EXOC4: variants seen among roughly 807,000 people sequenced by gnomAD.
EXOC4 encodes SEC8-like 1.
In EXOC4, 71 loss-of-function variants were observed where a neutral mutation model predicts 107.2. The ratio of observed to expected loss-of-function variants is 0.66; its 90% CI spans 0.55 to 0.81. EXOC4 has a LOEUF of 0.81. Among genes scored for constraint, EXOC4 ranks in the 30% least tolerant of loss-of-function variants. EXOC4 has a pLI of 0.00. For synonymous variants in EXOC4, 456 were observed against 441.2 expected (o/e 1.03, Z -0.42); for missense variants, 1,108 against 1,189.6 (o/e 0.93, Z 1.01).
intron 3 of EXOC4, among the ~76,000 whole-genome samples, chr7:133,294,058 A>G (rs1343749875): frequency 6.6e-6 from 1 of 152,186 alleles, no homozygotes; most frequent in African/African-American, 2.4e-5. Context: ...CTGCATTTAA[A>G]TTGAAATTTT....
intron 17 of EXOC4, among the ~76,000 whole-genome samples, chr7:134,051,981 A>G (rs1795803431): frequency 7.8e-6 from 1 of 127,434 alleles, no homozygotes; most frequent in Admixed American, 8.7e-5. Flanking sequence ...GCACGACTCC[A>G]TCTCAATAAA....
chr7:133,390,245 C>T (rs762974877), intron 7 of EXOC4, among the ~76,000 whole-genome samples: 6 of 152,186 alleles, frequency 3.9e-5, no homozygotes, highest in Admixed American at 6.5e-5. Flanking sequence ...TTAAGTAGTT[C>T]GTCAGCTTAA....
chr7:133,705,550 G>A (rs933591097), intron 10 of EXOC4, among the ~76,000 whole-genome samples: 10 of 151,992 alleles, frequency 6.6e-5, no homozygotes, highest in South Asian at 4.1e-4. Flanking sequence ...GTCAATTGTG[G>A]TCCAAAAATA....
Position 133,717,464 on chromosome 7 carries a change from C to G in EXOC4, c.1514+87323C>G, listed in dbSNP as rs147013286. ...GCCGCCCCCCAACCCGTGAGGTCCT[C>G]CATGATGTGCTCTCCACACTACCCC... is the stretch of plus-strand genomic sequence containing the variant. On this transcript the variant is annotated intron_variant, in intron 10 of 17. Coordinates refer to ENST00000253861, the MANE Select transcript of EXOC4 (RefSeq NM_021807.4). Among the ~76,000 whole-genome samples, 13 of 152,238 alleles carry G rather than the reference C, an allele frequency of 8.5e-5. No homozygotes were observed. In the East Asian group the frequency reaches 2.5e-3, roughly 29 times the overall value.
chr7:133,483,945 G>A (rs1799214352), intron 9 of EXOC4: 6 of 1,282,840 alleles, frequency 4.7e-6, no homozygotes, highest in African/African-American at 1.5e-5. Flanking sequence ...AAGAGACTAA[G>A]GGAAGATTTT....
intron 1 of EXOC4, among the ~76,000 whole-genome samples, chr7:133,262,253 C>T (rs1051334418): frequency 6.6e-6 from 1 of 152,112 alleles, no homozygotes; most frequent in African/African-American, 2.4e-5. Flanking sequence ...TGCCTGTAGT[C>T]CCAACTACAG....
At chr7:133,608,188 T>C (rs913027397) in intron 9 of EXOC4, among the ~76,000 whole-genome samples, 2 of 152,158 alleles carry the variant, frequency 1.3e-5, no homozygotes, top group Non-Finnish European at 2.9e-5. Flanking sequence ...TATTTTTTGT[T>C]AGGTAAATCG....
At chr7:133,517,581 A>G (rs1163759068) in intron 9 of EXOC4, among the ~76,000 whole-genome samples, 1 of 152,150 alleles carries the variant, frequency 6.6e-6, no homozygotes, top group Non-Finnish European at 1.5e-5. Context: ...TCACATGGCC[A>G]CAGATGAGAG....
At chr7:133,612,258 A>G (rs1452919129) in intron 9 of EXOC4, among the ~76,000 whole-genome samples, 1 of 152,184 alleles carries the variant, frequency 6.6e-6, no homozygotes, top group African/African-American at 2.4e-5. Context: ...CTCTCTCACA[A>G]TCATATCTTC....
At chr7:133,478,582 A>C (rs1584948452) in intron 8 of EXOC4, among the ~76,000 whole-genome samples, 1 of 152,194 alleles carries the variant, frequency 6.6e-6, no homozygotes, top group Non-Finnish European at 1.5e-5. Flanking sequence ...TGTTGCAGAC[A>C]TAAAAAGAAT....
chr7:133,547,643 G>A (rs768173989), intron 9 of EXOC4, among the ~76,000 whole-genome samples: 1 of 152,190 alleles, frequency 6.6e-6, no homozygotes, highest in African/African-American at 2.4e-5. Flanking sequence ...CATTTCAACA[G>A]TGTCCACAGC....
chr7:133,376,390 G>A (rs368953065), intron 7 of EXOC4, among the ~76,000 whole-genome samples: 11 of 152,174 alleles, frequency 7.2e-5, no homozygotes, highest in African/African-American at 2.2e-4. Flanking sequence ...TGTGCCTTTC[G>A]TATCCATGTT....
intron 14 of EXOC4, among the ~76,000 whole-genome samples, chr7:133,970,195 C>G (rs533842085): frequency 2.0e-5 from 3 of 152,262 alleles, no homozygotes; most frequent in South Asian, 4.1e-4. Flanking sequence ...ACCCCTCCCC[C>G]CACCAAGCTC....
At chr7:133,605,246 C>T (rs1563124119) in intron 9 of EXOC4, among the ~76,000 whole-genome samples, 1 of 152,228 alleles carries the variant, frequency 6.6e-6, no homozygotes. Context: ...CAAGAGCAAA[C>T]AAAACAAAGT....
intron 11 of EXOC4, among the ~76,000 whole-genome samples, chr7:133,823,868 TATATTATA>T (rs1240315655): frequency 0.046 from 1,010 of 21,750 alleles, 50 homozygotes; most frequent in Non-Finnish European, 0.053. Flanking sequence ...TATATATATA[TATATTATA>T]TATATATATA....
intron 10 of EXOC4, among the ~76,000 whole-genome samples, chr7:133,655,596 A>T (rs1199202035): frequency 6.6e-6 from 1 of 152,186 alleles, no homozygotes; most frequent in Non-Finnish European, 1.5e-5. Context: ...AAAAACTAAG[A>T]TACAAACCCA....
chr7:133,611,262 T>C (rs773389563), intron 9 of EXOC4, among the ~76,000 whole-genome samples: 5 of 152,164 alleles, frequency 3.3e-5, no homozygotes. Context: ...TGGTTGATGA[T>C]GGTCTCAGAA....
At chr7:133,827,127 A>G (rs1209109299) in intron 11 of EXOC4, among the ~76,000 whole-genome samples, 1 of 152,228 alleles carries the variant, frequency 6.6e-6, no homozygotes, top group Non-Finnish European at 1.5e-5. Context: ...TTTCCTTCAC[A>G]TAGTGTCATG....
chr7:133,830,953 T>G (rs536036174), intron 11 of EXOC4, among the ~76,000 whole-genome samples: 2 of 151,724 alleles, frequency 1.3e-5, no homozygotes, highest in Non-Finnish European at 2.9e-5. Flanking sequence ...CTGATGACCT[T>G]GACAGTTTTT....
Sources: gnomAD v4.1 joint callset for allele counts (sites outside exome capture counted in the v4.1 genomes callset) on GRCh38, gnomAD v4.1.1 for gene constraint, MANE v1.5 for transcripts, NCBI Gene and HGNC (gene_info 2026-07-23, HGNC 2026-07-21) for gene names.